VAV2: variants seen among roughly 807,000 people sequenced by gnomAD.
VAV2 encodes vav guanine nucleotide exchange factor 2.
VAV2 carries 67 observed loss-of-function variants against 132.5 expected under a neutral mutation model. The ratio of observed to expected loss-of-function variants is 0.51; its 90% CI spans 0.42 to 0.62. The LOEUF is 0.62. VAV2 is among the 20% of genes least tolerant of loss of function. The pLI is 0.00. For missense variants in VAV2, 938 were observed against 1,153.6 expected (o/e 0.81, Z 2.71); for synonymous variants, 492 against 443.5 (o/e 1.11, Z -1.37).
intron 2 of VAV2, among the ~76,000 whole-genome samples, chr9:133,901,271 C>T (rs978532407): frequency 2.6e-5 from 4 of 152,226 alleles, no homozygotes; most frequent in African/African-American, 9.6e-5. Flanking sequence ...TGCCATTCAA[C>T]AGGCCGGCTA....
intron 7 of VAV2, among the ~76,000 whole-genome samples, chr9:133,808,539 G>A (rs1000708321): frequency 3.9e-5 from 6 of 152,238 alleles, no homozygotes; most frequent in Non-Finnish European, 7.3e-5. Flanking sequence ...GCAGGAGAGA[G>A]GACTCAGATG....
chr9:133,771,834 TA>T, intron 26 of VAV2, 124 bp downstream of exon 26: 1 of 930,242 alleles, frequency 1.1e-6, no homozygotes, highest in Non-Finnish European at 1.7e-6. Context: ...ACCAATTCCC[TA>T]AATCTTGGCC....
intron 12 of VAV2, among the ~76,000 whole-genome samples, chr9:133,792,320 TTGTGTGTATG>T (rs146993505): frequency 0.5 from 63,697 of 126,772 alleles, 14,931 homozygotes; most frequent in South Asian, 0.54. Context: ...GTGTGTGTGA[TTGTGTGTATG>T]TGTGAGTGAG....
At chr9:133,901,040 T>C (rs2132011728) in intron 2 of VAV2, among the ~76,000 whole-genome samples, 1 of 152,240 alleles carries the variant, frequency 6.6e-6, no homozygotes, top group East Asian at 1.9e-4. Flanking sequence ...CCTCAGGTGA[T>C]CTGCCCGCCT....
At chr9:133,847,346 A>C (rs1473396815) in intron 3 of VAV2, among the ~76,000 whole-genome samples, 1 of 152,292 alleles carries the variant, frequency 6.6e-6, no homozygotes, top group South Asian at 2.1e-4. Context: ...GGGACCTTGC[A>C]CCGCGCCTCA....
intron 7 of VAV2, among the ~76,000 whole-genome samples, chr9:133,808,143 T>C (rs1475895337): frequency 1.3e-5 from 2 of 152,100 alleles, no homozygotes; most frequent in Non-Finnish European, 2.9e-5. Flanking sequence ...AGCAGGGCCC[T>C]GGCAGAGGCT....
intron 2 of VAV2, among the ~76,000 whole-genome samples, chr9:133,876,405 A>G (rs1279369101): frequency 6.6e-6 from 1 of 152,242 alleles, no homozygotes; most frequent in Admixed American, 6.5e-5. Context: ...GGTGTGGAGC[A>G]AAGACTATTC....
intron 5 of VAV2, among the ~76,000 whole-genome samples, chr9:133,810,419 A>G (rs1388332310): frequency 1.3e-5 from 2 of 152,236 alleles, no homozygotes; most frequent in African/African-American, 2.4e-5. Flanking sequence ...AGGAAATGGC[A>G]TCTGCCATCC....
chr9:133,991,675 G>T lies in VAV2; in HGVS notation c.204+400C>A, dbSNP rs146132356. On this transcript the variant is annotated intron_variant, in intron 1 of 29. Transcript: ENST00000371850. The surrounding 1 kb of genome is among the most constrained non-coding windows in gnomAD (Gnocchi z 4.8). ...CCGCTCTTCCACCGGCGTCCGGCCA[G>T]GAGGCGCGAGGCCCAAGGATGCGAC... Among the ~76,000 whole-genome samples the T allele has an allele frequency of 4.0e-3, 610 of 151,504 alleles. 3 individuals are homozygous for T. Among genetic ancestry groups the T allele is most frequent in the African/African-American group, 0.014 (581 of 41,460 alleles).
intron 25 of VAV2, among the ~76,000 whole-genome samples, chr9:133,772,985 C>T (rs6479622): frequency 0.13 from 14,082 of 111,280 alleles, 2,599 homozygotes; most frequent in African/African-American, 0.36. Context: ...CTAGGCTGGA[C>T]GGCAGAGCCT....
At chr9:133,902,354 C>T (rs1468826148) in intron 2 of VAV2, among the ~76,000 whole-genome samples, 5 of 152,176 alleles carry the variant, frequency 3.3e-5, no homozygotes, top group African/African-American at 1.2e-4. Flanking sequence ...TTTGACCAAA[C>T]CTCCTCCATG....
intron 2 of VAV2, among the ~76,000 whole-genome samples, chr9:133,873,992 C>G (rs1838163199): frequency 6.6e-6 from 1 of 152,084 alleles, no homozygotes; most frequent in Non-Finnish European, 1.5e-5. Flanking sequence ...AGGTTTATTT[C>G]ATTTTATTCC....
chr9:133,979,851 A>G (rs435586), intron 1 of VAV2, among the ~76,000 whole-genome samples: 55,803 of 152,164 alleles, frequency 0.37, 10,689 homozygotes, highest in Middle Eastern at 0.45. Context: ...CTGTCACCTC[A>G]TCAGGGAGCC....
Position 133,771,950 on chromosome 9 carries a change from G to A in VAV2, c.2223+9C>T, listed in dbSNP as rs370767093. 7.1e-5 allele frequency: 114 copies of A among 1,613,928 alleles called. No individual in the cohort carries two copies. The highest frequency in any genetic ancestry group is 9.4e-5 in the Non-Finnish European group (111 of 1,179,814). On this transcript the variant is annotated intron_variant, in intron 26 of 29. Transcript: ENST00000371850. The stretch of plus-strand genomic sequence containing the variant: ...GGGTGGGAGCCGGCCGGAGCCAGAA[G>A]TCACCTACCAGGAGGCTGTCGAATT...
At chr9:133,782,746 T>C (rs1482229746) in intron 19 of VAV2, among the ~76,000 whole-genome samples, 1 of 152,112 alleles carries the variant, frequency 6.6e-6, no homozygotes, top group African/African-American at 2.4e-5. Flanking sequence ...TGCTAATAAG[T>C]GTAGACAAAT....
chr9:133,974,061 C>A (rs1842428784), intron 1 of VAV2, among the ~76,000 whole-genome samples: 1 of 152,158 alleles, frequency 6.6e-6, no homozygotes, highest in Non-Finnish European at 1.5e-5. Flanking sequence ...CACTGTCACG[C>A]AGGGCTCAGC....
intron 29 of VAV2, among the ~76,000 whole-genome samples, chr9:133,767,725 G>A (rs139655190): frequency 1.2e-3 from 190 of 152,372 alleles, no homozygotes; most frequent in African/African-American, 3.9e-3. Flanking sequence ...AGCACTGGGA[G>A]CCAAGGTTAA....
intron 13 of VAV2, among the ~76,000 whole-genome samples, chr9:133,789,552 C>A (rs1834369507): frequency 1.3e-5 from 2 of 152,210 alleles, no homozygotes; most frequent in Admixed American, 1.3e-4. Flanking sequence ...GGCCTGGCAG[C>A]TTCTCTCCCT....
chr9:133,906,032 C>T (rs1353012843), intron 2 of VAV2, among the ~76,000 whole-genome samples: 1 of 152,098 alleles, frequency 6.6e-6, no homozygotes, highest in Non-Finnish European at 1.5e-5. Flanking sequence ...GAGTGAGACC[C>T]TGTCTCAAAA....
Sources: gnomAD v4.1 joint callset for allele counts (sites outside exome capture counted in the v4.1 genomes callset) on GRCh38, gnomAD v4.1.1 for gene constraint, Gnocchi (gnomAD v3.1) non-coding constraint, MANE v1.5 for transcripts, NCBI Gene and HGNC (gene_info 2026-07-23, HGNC 2026-07-21) for gene names.